Variants in RPRD1B observed in about 807,000 individuals in gnomAD.
RPRD1B encodes regulation of nuclear pre-mRNA domain containing 1B, also known as regulation of nuclear pre-mRNA domain-containing protein 1B.
In RPRD1B, 11 loss-of-function variants were observed where a neutral mutation model predicts 41.5. The observed-to-expected ratio is 0.27, with a 90% CI of 0.17 to 0.44. The LOEUF (loss-of-function observed/expected upper bound fraction) is 0.44, where lower values mean the gene tolerates loss of function less well. Ranked by LOEUF, RPRD1B falls within the 20% of genes least tolerant of loss-of-function variation. RPRD1B has a pLI of 1.00. For synonymous variants in RPRD1B, 158 were observed against 155.6 expected (o/e 1.02, Z -0.12); for missense variants, 248 against 389.9 (o/e 0.64, Z 3.06).
At chr20:38,063,050 T>G (rs532443095) in intron 5 of RPRD1B, among the ~76,000 whole-genome samples, 8 of 152,016 alleles carry the variant, frequency 5.3e-5, no homozygotes, top group African/African-American at 1.9e-4. Context: ...TTTACTATTT[T>G]CCCCTCACTC....
At chr20:38,038,688 A>G (rs1028642605) in intron 1 of RPRD1B, among the ~76,000 whole-genome samples, 1 of 151,856 alleles carries the variant, frequency 6.6e-6, no homozygotes, top group Non-Finnish European at 1.5e-5. Context: ...AGTAGAGACA[A>G]GGTTTCACCA....
intron 6 of RPRD1B, among the ~76,000 whole-genome samples, chr20:38,076,068 T>C (rs1194143581): frequency 1.3e-5 from 2 of 152,242 alleles, no homozygotes; most frequent in African/African-American, 4.8e-5. Context: ...TAATTATGAA[T>C]GGACAAATCC....
At chr20:38,052,410 AG>A (rs2074195035) in intron 3 of RPRD1B, among the ~76,000 whole-genome samples, 1 of 152,306 alleles carries the variant, frequency 6.6e-6, no homozygotes. Flanking sequence ...TTGGCTACTC[AG>A]TTCAGTGAGA....
At position 38,091,675 on chromosome 20, in the gene RPRD1B, T is replaced by G; in HGVS notation, c.*1800T>G. On this transcript the variant is annotated 3_prime_UTR_variant, in exon 7 of 7. Coordinates refer to ENST00000373433, the MANE Select transcript of RPRD1B (RefSeq NM_021215.4). ...GTGCTGCTTTCTAGATGAGCGTGTT[T>G]TGGAGCAGGCCCATCTGGGACACTC... 2.0e-6 allele frequency: 2 copies of G among 985,610 alleles called. No homozygotes were observed. Among genetic ancestry groups the G allele is most frequent in the Non-Finnish European group, 2.4e-6 (2 of 829,984 alleles). 61.1% of individuals were successfully genotyped at this position (985,610 alleles called of 1,614,324 possible).
chr20:38,068,698 G>A (rs375155513), intron 6 of RPRD1B, among the ~76,000 whole-genome samples: 1 of 152,182 alleles, frequency 6.6e-6, no homozygotes, highest in African/African-American at 2.4e-5. Flanking sequence ...CTTTATCCAC[G>A]CTTGCTAAAA....
chr20:38,057,990 C>G (rs925514584), intron 4 of RPRD1B, among the ~76,000 whole-genome samples: 49 of 152,286 alleles, frequency 3.2e-4, no homozygotes, highest in African/African-American at 1.0e-3. Flanking sequence ...TCTCCAGTAG[C>G]ATGGTAGTTT....
At chr20:38,042,020 C>T (rs1405025928) in intron 2 of RPRD1B, among the ~76,000 whole-genome samples, 2 of 151,908 alleles carry the variant, frequency 1.3e-5, no homozygotes, top group Non-Finnish European at 2.9e-5. Flanking sequence ...TGCCCTGACA[C>T]AGTAGGCGTT....
At chr20:38,081,224 G>C (rs1180711018) in intron 6 of RPRD1B, among the ~76,000 whole-genome samples, 2 of 98,462 alleles carry the variant, frequency 2.0e-5, no homozygotes, top group Non-Finnish European at 3.9e-5. Context: ...ATTTGTTTAT[G>C]TTGTCTCTGA....
chr20:38,055,275 G>C (rs904436982), intron 3 of RPRD1B, among the ~76,000 whole-genome samples: 1 of 152,178 alleles, frequency 6.6e-6, no homozygotes, highest in African/African-American at 2.4e-5. Flanking sequence ...AACTTATCAA[G>C]AGTAGTTTGA....
chr20:38,091,704 G>A lies in RPRD1B; in HGVS notation c.*1829G>A. ...AGCAGGCCCATCTGGGACACTCTAT[G>A]CTTTCACCAAGGAAGTGCGATCTGA... On this transcript the variant is annotated 3_prime_UTR_variant, in exon 7 of 7. Coordinates refer to ENST00000373433, the MANE Select transcript of RPRD1B (RefSeq NM_021215.4). 1 of 985,616 alleles carries A rather than the reference G, an allele frequency of 1.0e-6. No individual in the cohort carries two copies. The highest frequency in any genetic ancestry group is 1.2e-6 in the Non-Finnish European group (1 of 829,940). The allele number at this position is 985,616 out of a possible 1,614,324, so 61.1% of individuals were successfully genotyped here.
At chr20:38,077,179 A>T (rs1468182887) in intron 6 of RPRD1B, among the ~76,000 whole-genome samples, 1 of 151,650 alleles carries the variant, frequency 6.6e-6, no homozygotes. Context: ...CAGCCTCCCA[A>T]AGCGCTGGGA....
chr20:38,067,156 C>G (rs1013721394), intron 6 of RPRD1B, among the ~76,000 whole-genome samples: 3 of 152,186 alleles, frequency 2.0e-5, no homozygotes, highest in Admixed American at 1.3e-4. Context: ...CATTTCCTCA[C>G]CATACACTTG....
Position 38,090,028 on chromosome 20 carries a change from A to G in RPRD1B, c.*153A>G, listed in dbSNP as rs1271308368. 2 of 1,434,480 alleles carry G rather than the reference A, an allele frequency of 1.4e-6. No individual in the cohort carries two copies. Among genetic ancestry groups the G allele is most frequent in the African/African-American group, 2.9e-5 (2 of 69,848 alleles). The allele number at this position is 1,434,480 out of a possible 1,614,324, so 88.9% of individuals were successfully genotyped here. ...ACCTCAGACTCTGATTCTCCTCTTCAGCCTCTCATCTTGAGCACAGTTCAG... is the reference window on the plus strand; with the variant it reads ...ACCTCAGACTCTGATTCTCCTCTTCGGCCTCTCATCTTGAGCACAGTTCAG... On this transcript the variant is annotated 3_prime_UTR_variant, in exon 7 of 7. Transcript: ENST00000373433.
intron 3 of RPRD1B, among the ~76,000 whole-genome samples, chr20:38,056,397 A>AT (rs1318631032): frequency 2.0e-5 from 3 of 152,028 alleles, no homozygotes; most frequent in Non-Finnish European, 4.4e-5. Flanking sequence ...ATCTAAAAAA[A>AT]AAAAATAAAA....
chr20:38,039,407 C>CTTTTTTTTTTTTTTTTTTTT (rs1165738530), intron 1 of RPRD1B, among the ~76,000 whole-genome samples: 1 of 141,722 alleles, frequency 7.1e-6, no homozygotes, highest in African/African-American at 2.6e-5. Context: ...TACAAGAAAC[C>CTTTTTTTTTTTTTTTTTTTT]TTTTTTTTTT....
chr20:38,060,587 C>T (rs1600412672), intron 5 of RPRD1B, among the ~76,000 whole-genome samples: 1 of 152,198 alleles, frequency 6.6e-6, no homozygotes, highest in South Asian at 2.1e-4. Context: ...AATTAGGAAG[C>T]AAGCCATGAG....
In RPRD1B at chr20:38,068,565, AT is replaced by A. The variant is rs2074381473; in HGVS notation, c.831+2317del. Among the ~76,000 whole-genome samples, 3 of 151,854 alleles carry A rather than the reference AT, an allele frequency of 2.0e-5. No homozygotes were observed. In the South Asian group the frequency reaches 6.2e-4, roughly 32 times the overall value. On this transcript the variant is annotated intron_variant, in intron 6 of 6. Transcript: ENST00000373433. ...AGGCATGTACTACCACGCCCGGCTA[AT>A]TTTTTTTGTTTTTAGCAGAGACAGA... is the stretch of plus-strand genomic sequence containing the variant.
At chr20:38,050,811 T>A (rs1054632577) in intron 3 of RPRD1B, among the ~76,000 whole-genome samples, 3 of 152,190 alleles carry the variant, frequency 2.0e-5, no homozygotes, top group Admixed American at 1.3e-4. Context: ...TAAAGATAAT[T>A]TCTCTTTCTC....
In RPRD1B at chr20:38,090,369, A is replaced by G. The variant is rs528185684; in HGVS notation, c.*494A>G. On this transcript the variant is annotated 3_prime_UTR_variant, in exon 7 of 7. Transcript: ENST00000373433. ...ATCTGCCCCAAAAGGTTGTAGGCAC[A>G]GCTGTCGTAGCGTTGCCATAAAGAG... 2 of 986,384 alleles carry G rather than the reference A, an allele frequency of 2.0e-6. No individual in the cohort carries two copies. Among genetic ancestry groups the G allele is most frequent in the Admixed American group, 1.2e-4 (2 of 16,344 alleles). 61.1% of individuals were successfully genotyped at this position (986,384 alleles called of 1,614,324 possible). A position where few individuals can be genotyped will look rare whatever the true frequency, so the allele number is the denominator to read the frequency against.
Sources: gnomAD v4.1 joint callset for allele counts (sites outside exome capture counted in the v4.1 genomes callset) on GRCh38, gnomAD v4.1.1 for gene constraint, MANE v1.5 for transcripts, NCBI Gene and HGNC (gene_info 2026-07-23, HGNC 2026-07-21) for gene names.